Variants in GRID1 observed in about 807,000 individuals in gnomAD.
The protein encoded by GRID1 is glutamate ionotropic receptor delta type subunit 1, also known as glutamate receptor ionotropic, delta-1.
Under a neutral mutation model 98.0 loss-of-function variants are expected in GRID1, and 28 were observed. The observed-to-expected ratio is 0.29, with a 90% CI of 0.21 to 0.39. The LOEUF is 0.39. Among genes scored for constraint, GRID1 ranks in the 10% least tolerant of loss-of-function variants. The probability of loss-of-function intolerance (pLI) is 1.00; values close to 1 mark genes in which losing one functional copy is unlikely to be tolerated. For synonymous variants in GRID1, 553 were observed against 538.5 expected (o/e 1.03, Z -0.37); for missense variants, 1,111 against 1,340.5 (o/e 0.83, Z 2.67).
chr10:85,771,116 C>T (rs958939582), intron 8 of GRID1, among the ~76,000 whole-genome samples: 3 of 152,202 alleles, frequency 2.0e-5, no homozygotes, highest in East Asian at 1.9e-4. Flanking sequence ...AGACTAACAT[C>T]GGATCTCTCG....
intron 8 of GRID1, among the ~76,000 whole-genome samples, chr10:85,806,451 G>C (rs1327986568): frequency 2.0e-5 from 3 of 151,912 alleles, no homozygotes; most frequent in African/African-American, 7.3e-5. Context: ...CATAACCCTA[G>C]ATATTTAATT....
At chr10:86,018,493 A>G (rs1233387630) in intron 4 of GRID1, among the ~76,000 whole-genome samples, 2 of 152,242 alleles carry the variant, frequency 1.3e-5, no homozygotes, top group Non-Finnish European at 2.9e-5. Context: ...GTTCTCACAC[A>G]GCATGACAAC....
chr10:86,050,947 A>G (rs1843493869), intron 4 of GRID1, among the ~76,000 whole-genome samples: 1 of 151,646 alleles, frequency 6.6e-6, no homozygotes, highest in Non-Finnish European at 1.5e-5. Context: ...TAATCAGACC[A>G]AGTATTAAAA....
At chr10:85,691,953 C>A (rs1223094927) in intron 12 of GRID1, among the ~76,000 whole-genome samples, 1 of 152,076 alleles carries the variant, frequency 6.6e-6, no homozygotes, top group Non-Finnish European at 1.5e-5. Flanking sequence ...CACTGGGAGA[C>A]TGTCACTGTA....
chr10:86,052,502 A>T (rs1843515484), intron 4 of GRID1: 1 of 152,222 alleles, frequency 6.6e-6, no homozygotes, highest in Admixed American at 6.5e-5. Context: ...TTGGAAGTTA[A>T]GCAGAGTTAG....
At chr10:86,222,433 G>T (rs1249410713) in intron 2 of GRID1, among the ~76,000 whole-genome samples, 4 of 152,186 alleles carry the variant, frequency 2.6e-5, no homozygotes, top group Non-Finnish European at 5.9e-5. Context: ...AAGGGGTGGT[G>T]GGAGCAGTGG....
intron 12 of GRID1, among the ~76,000 whole-genome samples, chr10:85,700,100 C>T (rs1841434975): frequency 6.6e-6 from 1 of 152,190 alleles, no homozygotes; most frequent in African/African-American, 2.4e-5. Flanking sequence ...AATCTCAGAG[C>T]TGTTCCTTTG....
chr10:86,351,152 T>G (rs1589458825), intron 2 of GRID1, among the ~76,000 whole-genome samples: 1 of 152,332 alleles, frequency 6.6e-6, no homozygotes, highest in East Asian at 1.9e-4. Flanking sequence ...CAAGCGCCAC[T>G]CAGGTGACTG....
intron 4 of GRID1, among the ~76,000 whole-genome samples, chr10:85,968,333 C>T (rs550567215): frequency 6.6e-6 from 1 of 152,018 alleles, no homozygotes; most frequent in African/African-American, 2.4e-5. Flanking sequence ...CACCTGTAGT[C>T]CCAGCTACTC....
At position 85,853,652 on chromosome 10, in the gene GRID1, A is replaced by T. The variant is rs1843081126; in HGVS notation, c.1233+844T>A. 2.0e-5 allele frequency among the ~76,000 whole-genome samples: 3 copies of T among 152,326 alleles called. 1 individual carries two copies. Among genetic ancestry groups the T allele is most frequent in the Middle Eastern group, 3.4e-3 (1 of 294 alleles). On this transcript the variant is annotated intron_variant, in intron 8 of 15. Transcript: ENST00000327946. ...AGAGTTGGGCTGGCCCAGGACAGCC[A>T]GCCACTGACCACACCAGGATACCCA...
intron 2 of GRID1, among the ~76,000 whole-genome samples, chr10:86,222,156 GA>G (rs1317258257): frequency 3.3e-5 from 5 of 152,214 alleles, no homozygotes; most frequent in African/African-American, 7.2e-5. Flanking sequence ...CCCAGGCCTA[GA>G]GGGGGGGCCA....
At chr10:85,999,592 T>C (rs946407415) in intron 4 of GRID1, among the ~76,000 whole-genome samples, 1 of 152,192 alleles carries the variant, frequency 6.6e-6, no homozygotes, top group South Asian at 2.1e-4. Flanking sequence ...AAATTGAATC[T>C]AGCAATATGT....
intron 2 of GRID1, among the ~76,000 whole-genome samples, chr10:86,253,751 G>A (rs1343282168): frequency 4.6e-5 from 7 of 152,160 alleles, no homozygotes; most frequent in Admixed American, 1.3e-4. Context: ...GCCAATGTCC[G>A]TGTTAGCCAG....
chr10:86,118,750 G>A (rs1180571106), intron 4 of GRID1, among the ~76,000 whole-genome samples: 2 of 152,196 alleles, frequency 1.3e-5, no homozygotes, highest in Non-Finnish European at 2.9e-5. Context: ...TTAATAGTAA[G>A]TACCCTTGAC....
intron 2 of GRID1, among the ~76,000 whole-genome samples, chr10:86,317,275 G>T (rs890289590): frequency 6.6e-6 from 1 of 152,006 alleles, no homozygotes; most frequent in African/African-American, 2.4e-5. Flanking sequence ...GAGGGAGGCC[G>T]CACCTCCAGG....
At chr10:85,737,536 T>G (rs78988139) in intron 8 of GRID1, among the ~76,000 whole-genome samples, 3,870 of 151,190 alleles carry the variant, frequency 0.026, 90 homozygotes, top group Middle Eastern at 0.041. Context: ...ATGCCATCAG[T>G]GGAGACTTTT....
At chr10:86,038,318 C>T (rs1843298370) in intron 4 of GRID1, among the ~76,000 whole-genome samples, 1 of 152,186 alleles carries the variant, frequency 6.6e-6, no homozygotes, top group African/African-American at 2.4e-5. Context: ...GATTGGCTCC[C>T]ATGAACAGCT....
chr10:86,076,622 C>A (rs1175546647), intron 4 of GRID1, among the ~76,000 whole-genome samples: 2 of 152,190 alleles, frequency 1.3e-5, no homozygotes, highest in African/African-American at 4.8e-5. Flanking sequence ...TGTTGCAGTT[C>A]AAGTTCAAAG....
At chr10:85,947,317 A>T (rs1842065505) in intron 4 of GRID1, among the ~76,000 whole-genome samples, 1 of 152,246 alleles carries the variant, frequency 6.6e-6, no homozygotes, top group Admixed American at 6.5e-5. Flanking sequence ...CAAGCTGTGA[A>T]CACGGAGCCT....
Sources: allele counts gnomAD v4.1 joint callset (sites outside exome capture counted in the v4.1 genomes callset), GRCh38; gene constraint gnomAD v4.1.1; transcripts MANE v1.5; gene names NCBI Gene and HGNC (gene_info 2026-07-23, HGNC 2026-07-21).